TENT5D: variants seen among roughly 807,000 people sequenced by gnomAD.
TENT5D encodes the protein terminal nucleotidyltransferase 5D.
For missense variants in TENT5D, 191 were observed against 287.0 expected, an observed-to-expected ratio of 0.67 and a Z score of 2.42; for synonymous variants, 103 against 100.6, an observed-to-expected ratio of 1.02 and a Z score of -0.15.
chrX:80,443,117 A>G (rs1285833898), exon 3 of TENT5D: 7 of 1,211,187 alleles, frequency 5.8e-6, no homozygotes, highest in East Asian at 5.9e-5. Context: ...AAAAATGCCA[A>G]GCTAACCAAA....
At chrX:80,372,014 A>G (rs2147526748) in intron 3 of TENT5D, among the ~76,000 whole-genome samples, 2 of 111,600 alleles carry the variant, frequency 1.8e-5, no homozygotes, top group Middle Eastern at 9.2e-3. Context: ...CCTGAATGCC[A>G]TGATACCAAA....
In TENT5D at chrX:80,422,471, CA is replaced by C. The variant is rs909481925; in HGVS notation, c.-142+1918del. Among the ~76,000 whole-genome samples the C allele has an allele frequency of 1.2e-4, 13 of 108,268 alleles. 1 individual carries two copies. The highest frequency in any genetic ancestry group is 5.9e-4 in the Admixed American group (6 of 10,181). 94.0% of individuals were successfully genotyped at this position (108,268 alleles called of 115,157 possible). A position where few individuals can be genotyped will look rare whatever the true frequency, so the allele number is the denominator to read the frequency against. ...CTGGCAACAGAGCTAGACTATGTCT[CA>C]AAAAAAAAATTGCATTTCATTTTAT... On this transcript the variant is annotated intron_variant, in intron 1 of 2. Transcript: ENST00000308293.
At chrX:80,406,941 A>G (rs1010377019) in intron 3 of TENT5D, among the ~76,000 whole-genome samples, 1 of 104,986 alleles carries the variant, frequency 9.5e-6, no homozygotes, top group Non-Finnish European at 2.0e-5. Flanking sequence ...GTGGCGGCCA[A>G]TATTCAACAT....
chrX:80,384,193 G>A (rs1220789384), intron 3 of TENT5D, among the ~76,000 whole-genome samples: 42 of 100,099 alleles, frequency 4.2e-4, no homozygotes, highest in Admixed American at 5.7e-4. Flanking sequence ...CTGGCAAACC[G>A]AATCCAGCAG....
intron 1 of TENT5D, among the ~76,000 whole-genome samples, chrX:80,433,513 G>C (rs970232560): frequency 1.2e-4 from 13 of 112,267 alleles, no homozygotes; most frequent in Non-Finnish European, 2.4e-4. Flanking sequence ...TATTTATCTG[G>C]TTTAGGGCCG....
chrX:80,378,113 T>G (rs961364928), intron 3 of TENT5D, among the ~76,000 whole-genome samples: 1 of 112,325 alleles, frequency 8.9e-6, no homozygotes, highest in Admixed American at 9.4e-5. Flanking sequence ...TTTGTTTAAG[T>G]TCTTTGTAGA....
intron 3 of TENT5D, among the ~76,000 whole-genome samples, chrX:80,408,819 C>A (rs1438257471): frequency 6.3e-5 from 7 of 110,816 alleles, no homozygotes; most frequent in Non-Finnish European, 1.3e-4. Flanking sequence ...AGATCAATAT[C>A]CTTGATGAAC....
intron 1 of TENT5D, among the ~76,000 whole-genome samples, chrX:80,423,108 G>A (rs1350313484): frequency 8.9e-6 from 1 of 112,064 alleles, no homozygotes. Flanking sequence ...TGGCAGTTTG[G>A]AGAGGCAGCA....
At chrX:80,386,331 T>G (rs1371358026) in intron 3 of TENT5D, among the ~76,000 whole-genome samples, 1 of 110,792 alleles carries the variant, frequency 9.0e-6, no homozygotes, top group Non-Finnish European at 1.9e-5. Context: ...TGGCATGTTC[T>G]CACTCATAGG....
intron 3 of TENT5D, among the ~76,000 whole-genome samples, chrX:80,345,250 C>G (rs1930035904): frequency 9.0e-6 from 1 of 111,395 alleles, no homozygotes; most frequent in African/African-American, 3.3e-5. Flanking sequence ...ATCCCTATAT[C>G]CATGTATCAT....
intron 3 of TENT5D, among the ~76,000 whole-genome samples, chrX:80,343,636 G>A (rs1258338421): frequency 2.7e-5 from 3 of 109,880 alleles, no homozygotes; most frequent in Non-Finnish European, 3.8e-5. Flanking sequence ...CCGACCTCAG[G>A]TGATCTGCCC....
chrX:80,380,138 C>T (rs1930827742), intron 3 of TENT5D, among the ~76,000 whole-genome samples: 1 of 109,004 alleles, frequency 9.2e-6, no homozygotes, highest in Admixed American at 1.0e-4. Flanking sequence ...AAATGTGTCC[C>T]AGAGATTCTG....
chrX:80,370,231 A>T (rs776449861), intron 3 of TENT5D, among the ~76,000 whole-genome samples: 1 of 111,279 alleles, frequency 9.0e-6, no homozygotes, highest in South Asian at 3.8e-4. Context: ...GTGAACCACC[A>T]TGCCTGGCCC....
intron 3 of TENT5D, among the ~76,000 whole-genome samples, chrX:80,408,083 C>T (rs1213026192): frequency 9.1e-6 from 1 of 109,532 alleles, no homozygotes; most frequent in Non-Finnish European, 1.9e-5. Flanking sequence ...ACCAGAATCT[C>T]TGGGACACAT....
At chrX:80,337,004 G>T (rs985836128) in intron 2 of TENT5D, among the ~76,000 whole-genome samples, 2 of 111,550 alleles carry the variant, frequency 1.8e-5, no homozygotes, top group African/African-American at 6.5e-5. Flanking sequence ...TTTCCCTCTT[G>T]TTTTTTCTTA....
intron 3 of TENT5D, among the ~76,000 whole-genome samples, chrX:80,383,461 C>T (rs1930918549): frequency 8.9e-6 from 1 of 112,114 alleles, no homozygotes; most frequent in Non-Finnish European, 1.9e-5. Context: ...CACTGAATAA[C>T]TAGTGTATCT....
At chrX:80,357,040 C>T (rs1930299001) in intron 3 of TENT5D, among the ~76,000 whole-genome samples, 2 of 111,440 alleles carry the variant, frequency 1.8e-5, no homozygotes, top group Non-Finnish European at 3.8e-5. Context: ...AGATAGTTTG[C>T]TGAGAATGAT....
At chrX:80,381,970 A>G (rs1321022433) in intron 3 of TENT5D, among the ~76,000 whole-genome samples, 2 of 112,275 alleles carry the variant, frequency 1.8e-5, no homozygotes, top group Non-Finnish European at 3.8e-5. Context: ...CAACTTGTCA[A>G]AGTCATTCTC....
intron 2 of TENT5D, 50 bp from the exon 3 acceptor site, chrX:80,442,472 G>T (rs750121060): frequency 4.4e-6 from 4 of 916,655 alleles, no homozygotes; most frequent in African/African-American, 4.0e-5. Flanking sequence ...CTTTAGCATT[G>T]GTTTTAAGGT....
Sources: gnomAD v4.1 joint callset for allele counts (sites outside exome capture counted in the v4.1 genomes callset) on GRCh38, gnomAD v4.1.1 for gene constraint, MANE v1.5 for transcripts, NCBI Gene and HGNC (gene_info 2026-07-23, HGNC 2026-07-21) for gene names.